Variants in CDH18 observed in about 807,000 individuals in gnomAD.
CDH18 encodes cadherin-18.
Under a neutral mutation model 67.9 loss-of-function variants are expected in CDH18, and 31 were observed. That is an observed-to-expected ratio of 0.46 (90% CI 0.34 to 0.62). The LOEUF (loss-of-function observed/expected upper bound fraction) is 0.62, where lower values mean the gene tolerates loss of function less well. Ranked by LOEUF, CDH18 falls within the 20% of genes least tolerant of loss-of-function variation. The pLI is 0.01. For missense variants in CDH18, 890 were observed against 975.5 expected, an observed-to-expected ratio of 0.91 and a Z score of 1.17; for synonymous variants, 362 against 347.2, an observed-to-expected ratio of 1.04 and a Z score of -0.48.
At chr5:19,823,404 G>T (rs1176573335) in intron 3 of CDH18, among the ~76,000 whole-genome samples, 1 of 152,160 alleles carries the variant, frequency 6.6e-6, no homozygotes, top group Non-Finnish European at 1.5e-5. Flanking sequence ...AATTATAAAA[G>T]TATTAATTTG....
intron 2 of CDH18, among the ~76,000 whole-genome samples, chr5:20,075,370 C>A (rs1384884781): frequency 6.6e-6 from 1 of 151,984 alleles, no homozygotes; most frequent in African/African-American, 2.4e-5. Context: ...GGGCATTATG[C>A]TGTGTGGCTG....
At chr5:19,847,826 A>T (rs1381841003) in intron 2 of CDH18, among the ~76,000 whole-genome samples, 1 of 152,056 alleles carries the variant, frequency 6.6e-6, no homozygotes, top group Non-Finnish European at 1.5e-5. Flanking sequence ...AATTAGAGGA[A>T]TCTTCTGATT....
chr5:20,495,095 A>T (rs774652286), intron 1 of CDH18, among the ~76,000 whole-genome samples: 14 of 152,138 alleles, frequency 9.2e-5, no homozygotes, highest in Non-Finnish European at 4.4e-5. Context: ...TACCTTTCTC[A>T]TTTCTCTATA....
At chr5:20,260,172 G>T (rs1263212248) in intron 1 of CDH18, among the ~76,000 whole-genome samples, 2 of 151,326 alleles carry the variant, frequency 1.3e-5, no homozygotes, top group Admixed American at 6.6e-5. Context: ...GAAGTGTAAG[G>T]TACTAGTTAT....
chr5:19,896,880 A>C (rs552811134), intron 2 of CDH18, among the ~76,000 whole-genome samples: 3 of 152,286 alleles, frequency 2.0e-5, no homozygotes, highest in African/African-American at 7.2e-5. Flanking sequence ...TGGGTTAAAG[A>C]GTACATGGGA....
chr5:20,327,505 C>A (rs1424810097), intron 1 of CDH18, among the ~76,000 whole-genome samples: 1 of 151,836 alleles, frequency 6.6e-6, no homozygotes, highest in Non-Finnish European at 1.5e-5. Flanking sequence ...CTTTAAATAC[C>A]GAAGTTCACA....
At chr5:19,679,255 C>A (rs555622025) in intron 5 of CDH18, among the ~76,000 whole-genome samples, 1 of 151,910 alleles carries the variant, frequency 6.6e-6, no homozygotes, top group Non-Finnish European at 1.5e-5. Context: ...CTTCAACACC[C>A]CTTCATGTTG....
chr5:19,675,700 G>T (rs1259279950), intron 5 of CDH18, among the ~76,000 whole-genome samples: 1 of 151,818 alleles, frequency 6.6e-6, no homozygotes, highest in East Asian at 1.9e-4. Context: ...TCATCACAGG[G>T]TCCTGAGGCG....
At chr5:20,132,793 T>C (rs183150306) in intron 2 of CDH18, among the ~76,000 whole-genome samples, 3 of 152,336 alleles carry the variant, frequency 2.0e-5, no homozygotes, top group East Asian at 3.9e-4. Context: ...CCATTTCACT[T>C]CTTGATATGC....
chr5:19,526,952 T>TA (rs1747837683), intron 9 of CDH18, among the ~76,000 whole-genome samples: 1 of 151,894 alleles, frequency 6.6e-6, no homozygotes, highest in Admixed American at 6.5e-5. Flanking sequence ...TAAATGCCCA[T>TA]GAGAATAAAG....
At chr5:19,566,580 A>T (rs893543074) in intron 8 of CDH18, among the ~76,000 whole-genome samples, 27 of 152,296 alleles carry the variant, frequency 1.8e-4, no homozygotes, top group Admixed American at 1.7e-3. Context: ...AACCCCTTAT[A>T]AAACCATCAT....
chr5:19,813,773 T>C (rs1192982153), intron 3 of CDH18, among the ~76,000 whole-genome samples: 1 of 152,148 alleles, frequency 6.6e-6, no homozygotes, highest in East Asian at 1.9e-4. Flanking sequence ...ATACATATTT[T>C]GAATATTTAA....
chr5:19,957,526 T>C (rs1796369586), intron 2 of CDH18, among the ~76,000 whole-genome samples: 1 of 151,894 alleles, frequency 6.6e-6, no homozygotes, highest in African/African-American at 2.4e-5. Flanking sequence ...AGATGTACAT[T>C]GCAGTTAGTA....
intron 2 of CDH18, among the ~76,000 whole-genome samples, chr5:20,249,328 A>C (rs907405349): frequency 1.3e-5 from 2 of 151,700 alleles, no homozygotes; most frequent in Non-Finnish European, 2.9e-5. Context: ...TTAATTGCCT[A>C]CTAAACTTGG....
At chr5:20,571,960 A>G (rs1758844321) in intron 1 of CDH18, among the ~76,000 whole-genome samples, 1 of 152,132 alleles carries the variant, frequency 6.6e-6, no homozygotes, top group Non-Finnish European at 1.5e-5. Context: ...AAGATCTCTA[A>G]CTGCTGTAGA....
At chr5:19,596,326 G>A (rs373316820) in intron 6 of CDH18, among the ~76,000 whole-genome samples, 2 of 152,106 alleles carry the variant, frequency 1.3e-5, no homozygotes, top group African/African-American at 4.8e-5. Context: ...CATCTATAAT[G>A]GGACACTGTT....
intron 1 of CDH18, among the ~76,000 whole-genome samples, chr5:20,271,017 G>A (rs941446865): frequency 1.1e-4 from 16 of 152,042 alleles, no homozygotes; most frequent in Non-Finnish European, 2.9e-5. Context: ...AGGATCAAGA[G>A]AGATAACTAA....
chr5:19,672,645 T>C (rs1348365518), intron 5 of CDH18, among the ~76,000 whole-genome samples: 1 of 151,958 alleles, frequency 6.6e-6, no homozygotes, highest in Non-Finnish European at 1.5e-5. Context: ...AACAGCTTTT[T>C]AAAAAAATTT....
chr5:19,827,063 A>G (rs1780488068), intron 3 of CDH18, among the ~76,000 whole-genome samples: 1 of 152,188 alleles, frequency 6.6e-6, no homozygotes. Flanking sequence ...GCAAACAGAA[A>G]AAAAGTGAGG....
Sources: allele counts gnomAD v4.1 joint callset (sites outside exome capture counted in the v4.1 genomes callset), GRCh38; gene constraint gnomAD v4.1.1; transcripts MANE v1.5; gene names NCBI Gene and HGNC (gene_info 2026-07-23, HGNC 2026-07-21).